The following NAV3 variants were observed in gnomAD, a reference collection of about 807,000 sequenced individuals.
NAV3 encodes the protein neuron navigator 3, also known as pore membrane and/or filament interacting like protein 1.
A neutral mutation model predicts 244.7 loss-of-function variants in NAV3; 87 were observed. The observed-to-expected ratio is 0.36, with a 90% CI of 0.30 to 0.42. NAV3 has a LOEUF of 0.42. Ranked by LOEUF, NAV3 falls within the 20% of genes least tolerant of loss-of-function variation. The probability of loss-of-function intolerance (pLI) is 1.00; values close to 1 mark genes in which losing one functional copy is unlikely to be tolerated. For missense variants in NAV3, 2,663 were observed against 2,893.3 expected (o/e 0.92, Z 1.83); for synonymous variants, 1,126 against 1,042.2 (o/e 1.08, Z -1.55).
At chr12:77,640,576 A>G (rs532375911) in intron 2 of NAV3, among the ~76,000 whole-genome samples, 45 of 152,240 alleles carry the variant, frequency 3.0e-4, no homozygotes, top group Admixed American at 4.6e-4. Flanking sequence ...AGTTTAATCC[A>G]TGTTGTCCCA....
At chr12:77,986,495 A>G (rs1870536626) in intron 5 of NAV3, among the ~76,000 whole-genome samples, 1 of 152,232 alleles carries the variant, frequency 6.6e-6, no homozygotes, top group Non-Finnish European at 1.5e-5. Context: ...GAAGCTTGAT[A>G]GAATCCAAAG....
chr12:77,840,990 A>C (rs1264828836), intron 1 of NAV3, among the ~76,000 whole-genome samples: 3 of 152,212 alleles, frequency 2.0e-5, no homozygotes, highest in Non-Finnish European at 4.4e-5. Context: ...GACAAATTTC[A>C]CTTTGGACTC....
Position 77,895,309 on chromosome 12 carries a change from T to TTGTGTGTGTGTGTGTG in NAV3, c.244-44996_244-44981dup, listed in dbSNP as rs71440496. 5.9e-3 allele frequency among the ~76,000 whole-genome samples: 881 copies of TTGTGTGTGTGTGTGTG among 148,538 alleles called. 9 individuals are homozygous for TTGTGTGTGTGTGTGTG. The highest frequency in any genetic ancestry group is 0.028 in the South Asian group (130 of 4,646). ...TAATTTTAAAATAGGTTTAGAATGA[T>TTGTGTGTGTGTGTGTG]TGTGTGTGTGTGTGTGTGTGTGTGT... On this transcript the variant is annotated intron_variant, in intron 1 of 39. Coordinates refer to ENST00000397909, the MANE Select transcript of NAV3 (RefSeq NM_001024383.2).
At chr12:78,091,783 G>T (rs1322017206) in intron 12 of NAV3, 1 of 75,792 alleles carries the variant, frequency 1.3e-5, no homozygotes, top group Non-Finnish European at 2.5e-5. Flanking sequence ...GCGACAGAGC[G>T]AGACTCCGTC....
At chr12:77,778,567 G>A (rs1013060764) in intron 2 of NAV3, among the ~76,000 whole-genome samples, 5 of 148,320 alleles carry the variant, frequency 3.4e-5, no homozygotes, top group African/African-American at 1.3e-4. Flanking sequence ...AACTGAGATC[G>A]CGCCACTGCA....
At chr12:77,873,146 C>T (rs1881238644) in intron 1 of NAV3, among the ~76,000 whole-genome samples, 1 of 152,218 alleles carries the variant, frequency 6.6e-6, no homozygotes, top group Non-Finnish European at 1.5e-5. Flanking sequence ...TCCTTCTTCA[C>T]CTTCCACCAT....
intron 18 of NAV3, among the ~76,000 whole-genome samples, chr12:78,134,650 AGG>A (rs1014044577): frequency 1.8e-4 from 27 of 152,274 alleles, no homozygotes; most frequent in African/African-American, 5.5e-4. Flanking sequence ...AGCACTCAGG[AGG>A]CTGGGGCAAG....
At chr12:77,985,682 G>T (rs554004679) in intron 5 of NAV3, among the ~76,000 whole-genome samples, 1 of 151,796 alleles carries the variant, frequency 6.6e-6, no homozygotes, top group Non-Finnish European at 1.5e-5. Flanking sequence ...TTTATTGTAC[G>T]TAGAACAACT....
At chr12:78,085,946 G>T (rs768111591) in intron 12 of NAV3, among the ~76,000 whole-genome samples, 4 of 152,074 alleles carry the variant, frequency 2.6e-5, no homozygotes, top group Non-Finnish European at 4.4e-5. Context: ...CTGTAAATTT[G>T]TCAGAGACAA....
chr12:78,161,910 C>T (rs1957560595), intron 23 of NAV3, among the ~76,000 whole-genome samples: 1 of 152,044 alleles, frequency 6.6e-6, no homozygotes, highest in Non-Finnish European at 1.5e-5. Context: ...CAATATACCT[C>T]AGCCTAGATA....
chr12:78,074,658 C>T (rs866828901), intron 12 of NAV3, among the ~76,000 whole-genome samples: 3 of 152,082 alleles, frequency 2.0e-5, no homozygotes, highest in Non-Finnish European at 4.4e-5. Flanking sequence ...GAGCAGAGAT[C>T]GTGTCACTAT....
chr12:77,624,638 C>T (rs918824903), intron 2 of NAV3, among the ~76,000 whole-genome samples: 2 of 151,968 alleles, frequency 1.3e-5, no homozygotes, highest in Non-Finnish European at 2.9e-5. Context: ...GGATATGCTG[C>T]TGGATGAAAT....
intron 12 of NAV3, among the ~76,000 whole-genome samples, chr12:78,075,541 A>T (rs577324833): frequency 1.4e-4 from 22 of 152,212 alleles, no homozygotes; most frequent in Non-Finnish European, 2.9e-4. Flanking sequence ...TTTTTCCTAG[A>T]TAGGATTTGG....
chr12:77,573,105 G>A (rs1868907413), intron 2 of NAV3, among the ~76,000 whole-genome samples: 3 of 152,132 alleles, frequency 2.0e-5, no homozygotes. Context: ...CGATGGTGCT[G>A]GCAAGAAATG....
At chr12:77,963,927 T>C (rs1268814765) in intron 3 of NAV3, among the ~76,000 whole-genome samples, 2 of 120,392 alleles carry the variant, frequency 1.7e-5, no homozygotes, top group Admixed American at 1.9e-4. Flanking sequence ...CCTTCCTTCT[T>C]CTCCTCCTTC....
intron 12 of NAV3, among the ~76,000 whole-genome samples, chr12:78,076,102 C>T (rs1255015411): frequency 6.6e-6 from 1 of 152,158 alleles, no homozygotes; most frequent in African/African-American, 2.4e-5. Context: ...AGCATCCTGG[C>T]GTCTGGCACA....
chr12:78,119,723 C>T lies in NAV3; in HGVS notation c.3527C>T (p.Ser1176Leu), dbSNP rs776593702. 1.9e-6 allele frequency: 3 copies of T among 1,614,142 alleles called. No homozygotes were observed. Among genetic ancestry groups the T allele is most frequent in the Middle Eastern group, 1.6e-4 (1 of 6,062 alleles). ...VSSKSAGATT[S>L]KLREPTKIGS... is the part of the protein sequence containing the mutation. ...AGCAAGTCTGCTGGGGCCACCACCT[C>T]GAAACTGAGAGAACCAACTAAAATT... is the stretch of plus-strand genomic sequence containing the variant. The change falls in exon 15 of 40, where the codon TCG (serine) becomes TTG (leucine). Residue 1176 changes from serine (S) to leucine (L), a missense_variant. By Grantham distance (145) the Ser-to-Leu change is moderately radical. Around this residue, in one of 6 missense-constraint regions of NAV3, gnomAD observed 1,521 missense variants for 1,497.0 expected, o/e 1.02. Coordinates refer to ENST00000397909, the MANE Select transcript of NAV3 (RefSeq NM_001024383.2).
intron 1 of NAV3, among the ~76,000 whole-genome samples, chr12:77,932,914 T>C (rs1182556126): frequency 6.6e-6 from 1 of 152,228 alleles, no homozygotes; most frequent in East Asian, 1.9e-4. Context: ...TTCATAGCTC[T>C]GTTCCTCTGT....
chr12:78,062,978 G>C (rs1193586663), intron 12 of NAV3, among the ~76,000 whole-genome samples: 1 of 152,096 alleles, frequency 6.6e-6, no homozygotes, highest in South Asian at 2.1e-4. Flanking sequence ...CACAATGGCA[G>C]CCAGCCAGCT....
Sources: gnomAD v4.1 joint callset for allele counts (sites outside exome capture counted in the v4.1 genomes callset) on GRCh38, gnomAD v4.1.1 for gene constraint, gnomAD v4.1.1 regional missense constraint, MANE v1.5 for transcripts, NCBI Gene and HGNC (gene_info 2026-07-23, HGNC 2026-07-21) for gene names.